ATXN1: variants seen among roughly 807,000 people sequenced by gnomAD.
The protein encoded by ATXN1 is ataxin-1.
In ATXN1, 8 loss-of-function variants were observed where a neutral mutation model predicts 56.4. The ratio of observed to expected loss-of-function variants is 0.14; its 90% confidence interval spans 0.08 to 0.26. The LOEUF is 0.26. Among genes scored for constraint, ATXN1 ranks in the 10% least tolerant of loss-of-function variants. ATXN1 has a pLI of 1.00. For missense variants in ATXN1, 987 were observed against 1,106.5 expected, an observed-to-expected ratio of 0.89 and a Z score of 1.53; for synonymous variants, 514 against 494.6, an observed-to-expected ratio of 1.04 and a Z score of -0.52.
At chr6:16,716,647 AG>A (rs1759647879) in intron 2 of ATXN1, among the ~76,000 whole-genome samples, 1 of 152,202 alleles carries the variant, frequency 6.6e-6, no homozygotes, top group African/African-American at 2.4e-5. Context: ...TTTTCTGATG[AG>A]GATCAGATAG....
At chr6:16,596,798 G>A (rs1227292618) in intron 3 of ATXN1, among the ~76,000 whole-genome samples, 1 of 152,152 alleles carries the variant, frequency 6.6e-6, no homozygotes, top group Non-Finnish European at 1.5e-5. Context: ...TGGGTAGAAG[G>A]AGAAATCTTC....
At chr6:16,577,928 G>GA (rs1441637742) in intron 4 of ATXN1, among the ~76,000 whole-genome samples, 6 of 152,110 alleles carry the variant, frequency 3.9e-5, no homozygotes, top group Non-Finnish European at 8.8e-5. Context: ...TAGAGATGCG[G>GA]AAAAAACCCT....
intron 2 of ATXN1, among the ~76,000 whole-genome samples, chr6:16,671,457 T>TTTTGAAC (rs749348831): frequency 1.3e-5 from 2 of 152,138 alleles, no homozygotes; most frequent in Non-Finnish European, 2.9e-5. Context: ...CAGATGGGAA[T>TTTTGAAC]TTTGAACTCT....
intron 6 of ATXN1, among the ~76,000 whole-genome samples, chr6:16,383,093 C>A (rs1398049042): frequency 6.6e-6 from 1 of 152,154 alleles, no homozygotes; most frequent in Non-Finnish European, 1.5e-5. Context: ...CCACTCCCTA[C>A]CCCGCACCAT....
rs773111529 is a variant in ATXN1, at chr6:16,475,906, G to T, written c.-161+10066C>A. On this transcript the variant is annotated intron_variant, in intron 6 of 7. Transcript: ENST00000436367. Reference sequence around the variant, plus strand: ...TTTTTTTGAGATGGAGTCTCACTCTGTTACCCAGACTGGAGTGCAGTGGCA... The same window carrying T: ...TTTTTTTGAGATGGAGTCTCACTCTTTTACCCAGACTGGAGTGCAGTGGCA... Among the ~76,000 whole-genome samples, 39 of 144,700 alleles carry T rather than the reference G, an allele frequency of 2.7e-4. No individual in the cohort carries two copies. In the Middle Eastern group the frequency reaches 0.011, roughly 40 times the overall value. The allele number at this position is 144,700 out of a possible 152,430, so 94.9% of individuals were successfully genotyped here.
chr6:16,625,130 G>A (rs139352286), intron 3 of ATXN1, among the ~76,000 whole-genome samples: 18 of 152,062 alleles, frequency 1.2e-4, no homozygotes, highest in Non-Finnish European at 2.1e-4. Flanking sequence ...CTCCCACATC[G>A]ATCAAGTGAG....
chr6:16,425,277 T>C (rs1003820842), intron 6 of ATXN1, among the ~76,000 whole-genome samples: 4 of 152,246 alleles, frequency 2.6e-5, no homozygotes, highest in Non-Finnish European at 5.9e-5. Flanking sequence ...CTGTGCCACG[T>C]TGTTTACCAA....
At chr6:16,453,375 C>T (rs1052702353) in intron 6 of ATXN1, among the ~76,000 whole-genome samples, 4 of 152,036 alleles carry the variant, frequency 2.6e-5, no homozygotes, top group Admixed American at 1.3e-4. Context: ...GCAGGAGAAT[C>T]GCTTGAACCC....
chr6:16,447,836 G>A lies in ATXN1; in HGVS notation c.-161+38136C>T, dbSNP rs186362735. On this transcript the variant is annotated intron_variant, in intron 6 of 7. Coordinates refer to ENST00000436367, the MANE Select transcript of ATXN1 (RefSeq NM_001128164.2). Reference sequence around the variant, plus strand: ...TAAAAGCCCCAAAGATTCTACCAACGGGCTTCAGAGCATCTGCGTTTTATT... The same window carrying A: ...TAAAAGCCCCAAAGATTCTACCAACAGGCTTCAGAGCATCTGCGTTTTATT... 1.2e-4 allele frequency among the ~76,000 whole-genome samples: 18 copies of A among 152,188 alleles called. No individual in the cohort carries two copies. In the East Asian group the frequency reaches 2.3e-3, roughly 20 times the overall value.
At chr6:16,751,558 T>C (rs1270753865) in intron 2 of ATXN1, among the ~76,000 whole-genome samples, 1 of 148,028 alleles carries the variant, frequency 6.8e-6, no homozygotes, top group Non-Finnish European at 1.5e-5. Flanking sequence ...CATTTATGCA[T>C]GCAATTCATC....
intron 3 of ATXN1, among the ~76,000 whole-genome samples, chr6:16,586,662 G>A (rs1194412198): frequency 6.6e-6 from 1 of 152,172 alleles, no homozygotes. Context: ...TCATGCTTAG[G>A]ATTCTAGTAC....
intron 4 of ATXN1, among the ~76,000 whole-genome samples, chr6:16,577,240 T>C (rs1377695297): frequency 2.0e-5 from 3 of 152,176 alleles, no homozygotes; most frequent in South Asian, 2.1e-4. Flanking sequence ...ATCTTGTGGT[T>C]TGGCCGGGCA....
chr6:16,505,295 G>T (rs1224346401), intron 5 of ATXN1, among the ~76,000 whole-genome samples: 1 of 152,130 alleles, frequency 6.6e-6, no homozygotes, highest in Admixed American at 6.5e-5. Context: ...AATTTAACCA[G>T]CCAGCACCAA....
intron 1 of ATXN1, among the ~76,000 whole-genome samples, chr6:16,758,992 G>A (rs764390097): frequency 1.2e-4 from 19 of 152,114 alleles, no homozygotes; most frequent in Non-Finnish European, 2.4e-4. Flanking sequence ...TCCAAAAAAA[G>A]CTCAAGTATC....
chr6:16,710,113 A>G (rs1235357763), intron 2 of ATXN1, among the ~76,000 whole-genome samples: 1 of 152,216 alleles, frequency 6.6e-6, no homozygotes, highest in African/African-American at 2.4e-5. Flanking sequence ...ATGATGAAAT[A>G]GTGGTGAAAT....
intron 5 of ATXN1, among the ~76,000 whole-genome samples, chr6:16,518,885 T>C (rs946746847): frequency 3.3e-5 from 5 of 152,194 alleles, no homozygotes; most frequent in African/African-American, 1.2e-4. Context: ...CTATGGTCAG[T>C]AGCCAGAAAG....
intron 3 of ATXN1, among the ~76,000 whole-genome samples, chr6:16,620,830 G>A (rs1427485625): frequency 6.6e-5 from 10 of 152,128 alleles, no homozygotes; most frequent in Middle Eastern, 3.2e-3. Flanking sequence ...CACCTACTCC[G>A]CTGGCCAGCA....
chr6:16,575,685 C>G (rs959896767), intron 4 of ATXN1, among the ~76,000 whole-genome samples: 25 of 152,170 alleles, frequency 1.6e-4, no homozygotes, highest in African/African-American at 5.3e-4. Context: ...TAAAACAATT[C>G]CTCTGTCCGA....
chr6:16,432,713 C>CTTCTTTT (rs1554146816), intron 6 of ATXN1: 5 of 143,776 alleles, frequency 3.5e-5, no homozygotes, highest in African/African-American at 1.3e-4. Context: ...TCTTCTTCTT[C>CTTCTTTT]TTTTTTTTTT....
Sources: gnomAD v4.1 joint callset for allele counts (sites outside exome capture counted in the v4.1 genomes callset) on GRCh38, gnomAD v4.1.1 for gene constraint, MANE v1.5 for transcripts, NCBI Gene and HGNC (gene_info 2026-07-23, HGNC 2026-07-21) for gene names.